ANKS1B: variants seen among roughly 807,000 people sequenced by gnomAD.
ANKS1B encodes ankyrin repeat and sterile alpha motif domain-containing protein 1B.
In ANKS1B, 36 loss-of-function variants were observed where a neutral mutation model predicts 148.3. The observed-to-expected ratio is 0.24, with a 90% CI of 0.19 to 0.32. The LOEUF is 0.32. Among genes scored for constraint, ANKS1B ranks in the 10% least tolerant of loss-of-function variants. ANKS1B has a pLI of 1.00. For missense variants in ANKS1B, 1,157 were observed against 1,542.6 expected (o/e 0.75, Z 4.19); for synonymous variants, 542 against 560.8 (o/e 0.97, Z 0.47).
At chr12:99,941,428 A>G (rs527699889) in intron 1 of ANKS1B, among the ~76,000 whole-genome samples, 1 of 151,216 alleles carries the variant, frequency 6.6e-6, no homozygotes, top group South Asian at 2.1e-4. Flanking sequence ...GATAACAAGG[A>G]CCTGAAGTAG....
At chr12:99,176,595 C>A (rs2078410839) in intron 14 of ANKS1B, among the ~76,000 whole-genome samples, 1 of 152,110 alleles carries the variant, frequency 6.6e-6, no homozygotes, top group African/African-American at 2.4e-5. Flanking sequence ...CAAACTATAT[C>A]ATGTTGAGGT....
chr12:99,756,659 C>T (rs1484311970), intron 8 of ANKS1B, among the ~76,000 whole-genome samples: 4 of 152,056 alleles, frequency 2.6e-5, no homozygotes, highest in Non-Finnish European at 5.9e-5. Flanking sequence ...AGGCATCATG[C>T]TACCCAATTT....
chr12:99,223,859 G>A (rs1208896669), intron 14 of ANKS1B, among the ~76,000 whole-genome samples: 4 of 152,142 alleles, frequency 2.6e-5, no homozygotes, highest in Non-Finnish European at 5.9e-5. Flanking sequence ...GCTGTGAAGC[G>A]TTTGACTGTA....
intron 15 of ANKS1B, among the ~76,000 whole-genome samples, chr12:99,150,079 T>C (rs1416332838): frequency 6.6e-6 from 1 of 152,174 alleles, no homozygotes; most frequent in Non-Finnish European, 1.5e-5. Context: ...AAATGATATC[T>C]AAGGAGTGCT....
At chr12:99,855,753 A>G (rs151116749) in intron 1 of ANKS1B, among the ~76,000 whole-genome samples, 374 of 152,256 alleles carry the variant, frequency 2.5e-3, no homozygotes, top group African/African-American at 7.5e-3. Flanking sequence ...ATCAACTCCA[A>G]AAGGAACCCT....
intron 14 of ANKS1B, among the ~76,000 whole-genome samples, chr12:99,173,389 G>A (rs548640925): frequency 1.6e-4 from 24 of 152,104 alleles, no homozygotes; most frequent in Non-Finnish European, 8.8e-5. Flanking sequence ...TCCAGCAATC[G>A]TAAAATGTTT....
chr12:99,311,773 A>T (rs2083208791), intron 12 of ANKS1B, among the ~76,000 whole-genome samples: 1 of 152,154 alleles, frequency 6.6e-6, no homozygotes, highest in Non-Finnish European at 1.5e-5. Flanking sequence ...GAACCATACC[A>T]AAAATAAGAG....
intron 12 of ANKS1B, among the ~76,000 whole-genome samples, chr12:99,297,464 T>G (rs778611884): frequency 2.0e-5 from 3 of 152,206 alleles, no homozygotes; most frequent in Non-Finnish European, 4.4e-5. Flanking sequence ...GAACCTTCAT[T>G]CATTGAACCC....
intron 17 of ANKS1B, among the ~76,000 whole-genome samples, chr12:98,921,512 T>C (rs1261705429): frequency 6.6e-6 from 1 of 152,230 alleles, no homozygotes; most frequent in African/African-American, 2.4e-5. Flanking sequence ...CCGTGTGTTT[T>C]CTATAGGCCC....
intron 17 of ANKS1B, among the ~76,000 whole-genome samples, chr12:98,945,373 T>C (rs1223638676): frequency 6.6e-6 from 1 of 151,822 alleles, no homozygotes; most frequent in African/African-American, 2.4e-5. Context: ...TGTGCACCTG[T>C]TGCCCCAGCT....
Position 99,639,882 on chromosome 12 carries a change from G to T in ANKS1B, c.1272+15185C>A, listed in dbSNP as rs1247595037. 2.0e-5 allele frequency among the ~76,000 whole-genome samples: 3 copies of T among 152,200 alleles called. No homozygotes were observed. In the East Asian group the frequency reaches 5.8e-4, roughly 29 times the overall value. On this transcript the variant is annotated intron_variant, in intron 9 of 26. Coordinates refer to ENST00000683438, the MANE Select transcript of ANKS1B (RefSeq NM_001352186.2). ...CTAGAACAACCTCTTAACAAAAATG[G>T]TCAGATAGGCTGGGCATGGTGGCTC... is the stretch of plus-strand genomic sequence containing the variant.
At chr12:98,890,081 A>G (rs1016754110) in intron 17 of ANKS1B, among the ~76,000 whole-genome samples, 5 of 152,216 alleles carry the variant, frequency 3.3e-5, no homozygotes, top group Non-Finnish European at 4.4e-5. Flanking sequence ...GCTAGCTACT[A>G]GGAAATGTTA....
intron 8 of ANKS1B, among the ~76,000 whole-genome samples, chr12:99,684,753 A>G (rs541703699): frequency 1.3e-5 from 2 of 152,290 alleles, no homozygotes; most frequent in Admixed American, 1.3e-4. Context: ...GGAACAGAGT[A>G]GAGAACCCAG....
Position 99,084,916 on chromosome 12 carries a change from A to G in ANKS1B, c.2625+9T>C. 1 of 1,602,552 alleles carries G rather than the reference A, an allele frequency of 6.2e-7. No individual in the cohort carries two copies. Among genetic ancestry groups the G allele is most frequent in the Non-Finnish European group, 8.5e-7 (1 of 1,173,698 alleles). On this transcript the variant is annotated intron_variant, in intron 16 of 26. Transcript: ENST00000683438. ...TACACAGGACTAGGGCAATAAAAGT[A>G]TTGCTCACCTTTGGAAGGAGCTGGA...
intron 15 of ANKS1B, among the ~76,000 whole-genome samples, chr12:99,123,724 C>T (rs1014352987): frequency 6.6e-6 from 1 of 152,116 alleles, no homozygotes; most frequent in African/African-American, 2.4e-5. Context: ...AAGCATAGTA[C>T]AGGAGAAAGA....
chr12:99,841,419 C>T (rs1411399995), intron 1 of ANKS1B, among the ~76,000 whole-genome samples: 1 of 151,848 alleles, frequency 6.6e-6, no homozygotes, highest in East Asian at 1.9e-4. Flanking sequence ...ATTTGATTTG[C>T]TCTTTGTAAC....
intron 8 of ANKS1B, among the ~76,000 whole-genome samples, chr12:99,693,747 C>A (rs543560503): frequency 1.3e-5 from 2 of 151,196 alleles, no homozygotes; most frequent in Admixed American, 1.3e-4. Flanking sequence ...TGACTGGTTC[C>A]TACACACTGG....
At chr12:99,252,057 T>C (rs573645359) in intron 12 of ANKS1B, among the ~76,000 whole-genome samples, 5 of 152,196 alleles carry the variant, frequency 3.3e-5, no homozygotes, top group African/African-American at 1.2e-4. Context: ...AGTAATGAGA[T>C]AGAAACGAAA....
At chr12:98,773,810 T>C (rs1394273053) in intron 24 of ANKS1B, among the ~76,000 whole-genome samples, 1 of 152,216 alleles carries the variant, frequency 6.6e-6, no homozygotes, top group Non-Finnish European at 1.5e-5. Flanking sequence ...CCATTCCCCA[T>C]GTCCACCTGT....
Sources: gnomAD v4.1 joint callset for allele counts (sites outside exome capture counted in the v4.1 genomes callset) on GRCh38, gnomAD v4.1.1 for gene constraint, MANE v1.5 for transcripts, NCBI Gene and HGNC (gene_info 2026-07-23, HGNC 2026-07-21) for gene names.